The following MTUS2 variants were observed in gnomAD, a reference collection of about 807,000 sequenced individuals.
The protein encoded by MTUS2 is microtubule associated scaffold protein 2.
A neutral mutation model predicts 114.1 loss-of-function variants in MTUS2; 40 were observed. The observed-to-expected ratio is 0.35, with a 90% CI of 0.27 to 0.46. MTUS2 has a LOEUF of 0.46. Among genes scored for constraint, MTUS2 ranks in the 20% least tolerant of loss-of-function variants. MTUS2 has a pLI of 1.00. For synonymous variants in MTUS2, 688 were observed against 672.0 expected (o/e 1.02, Z -0.37); for missense variants, 1,679 against 1,705.4 (o/e 0.98, Z 0.27).
At chr13:29,214,738 C>G (rs905065508) in intron 5 of MTUS2, among the ~76,000 whole-genome samples, 2 of 152,194 alleles carry the variant, frequency 1.3e-5, no homozygotes, top group Non-Finnish European at 2.9e-5. Context: ...CACTGTTAGT[C>G]TGATGGGCCT....
intron 9 of MTUS2, among the ~76,000 whole-genome samples, chr13:29,451,875 C>T (rs1819598974): frequency 1.3e-5 from 2 of 152,136 alleles, no homozygotes; most frequent in South Asian, 4.1e-4. Context: ...AGGCATGAGC[C>T]TCCATGCCCA....
In MTUS2 at chr13:29,505,317, A is replaced by T; in HGVS notation, c.*2111A>T. The T allele has an allele frequency of 4.3e-6, 1 of 231,550 alleles. No individual in the cohort carries two copies. The highest frequency in any genetic ancestry group is 2.2e-5 in the African/African-American group (1 of 45,328). 14.3% of individuals were successfully genotyped at this position (231,550 alleles called of 1,614,324 possible). On this transcript the variant is annotated 3_prime_UTR_variant, in exon 16 of 16. Transcript: ENST00000612955. ...GTGATGCTAGAACGTGGTACAGTGT[A>T]TTAGGCTGCTGTGGTCAGAGTTGTA...
intron 5 of MTUS2, among the ~76,000 whole-genome samples, chr13:29,139,251 A>T (rs1017196607): frequency 6.6e-6 from 1 of 152,196 alleles, no homozygotes; most frequent in African/African-American, 2.4e-5. Context: ...ACTCAAGCTG[A>T]TGATTACATA....
intron 2 of MTUS2, among the ~76,000 whole-genome samples, chr13:28,893,172 T>G (rs1879035983): frequency 6.6e-6 from 1 of 152,206 alleles, no homozygotes. Context: ...GTGAGATTTT[T>G]GAGCATGCAG....
intron 6 of MTUS2, among the ~76,000 whole-genome samples, chr13:29,299,919 C>T (rs1287385287): frequency 6.6e-6 from 1 of 151,738 alleles, no homozygotes; most frequent in Non-Finnish European, 1.5e-5. Context: ...TCTAATTTTA[C>T]TGGGCAGTCC....
intron 6 of MTUS2, among the ~76,000 whole-genome samples, chr13:29,323,289 T>G (rs1368218124): frequency 6.6e-6 from 1 of 151,610 alleles, no homozygotes; most frequent in Admixed American, 6.6e-5. Flanking sequence ...TCACTCTGTC[T>G]CCCAGGCTGG....
chr13:28,974,672 C>T (rs1884008637), intron 2 of MTUS2, among the ~76,000 whole-genome samples: 1 of 152,044 alleles, frequency 6.6e-6, no homozygotes, highest in Admixed American at 6.6e-5. Context: ...ACATACAGCT[C>T]CTGTTCCTTT....
intron 2 of MTUS2, among the ~76,000 whole-genome samples, chr13:28,984,959 T>G (rs1884517302): frequency 6.6e-6 from 1 of 152,200 alleles, no homozygotes; most frequent in Non-Finnish European, 1.5e-5. Context: ...TTCAGGATAA[T>G]GGATAAGGGA....
chr13:29,107,988 T>C (rs2138851929), intron 5 of MTUS2, among the ~76,000 whole-genome samples: 1 of 152,334 alleles, frequency 6.6e-6, no homozygotes, highest in South Asian at 2.1e-4. Context: ...GGTTAATCAA[T>C]GAAAATGAGG....
At chr13:29,213,949 T>C (rs1417994220) in intron 5 of MTUS2, among the ~76,000 whole-genome samples, 1 of 152,178 alleles carries the variant, frequency 6.6e-6, no homozygotes, top group African/African-American at 2.4e-5. Flanking sequence ...TTTTTTTTTG[T>C]TCATGTATTA....
chr13:28,914,026 C>G (rs1168739916), intron 2 of MTUS2, among the ~76,000 whole-genome samples: 1 of 151,836 alleles, frequency 6.6e-6, no homozygotes, highest in Non-Finnish European at 1.5e-5. Flanking sequence ...AGCTAGCAGT[C>G]TATTTTATTA....
intron 6 of MTUS2, among the ~76,000 whole-genome samples, chr13:29,314,475 G>A (rs1024184630): frequency 1.3e-5 from 2 of 152,120 alleles, no homozygotes; most frequent in Non-Finnish European, 2.9e-5. Context: ...AACCAAAAAT[G>A]GTACAACTGT....
chr13:28,839,119 A>G (rs115589820), intron 1 of MTUS2, among the ~76,000 whole-genome samples: 20 of 152,266 alleles, frequency 1.3e-4, no homozygotes, highest in African/African-American at 4.3e-4. Flanking sequence ...TGTGGTGTCT[A>G]TGCCTCCACA....
chr13:28,891,589 A>G (rs1176446736), intron 2 of MTUS2, among the ~76,000 whole-genome samples: 9 of 152,106 alleles, frequency 5.9e-5, no homozygotes, highest in Admixed American at 5.9e-4. Flanking sequence ...ATAAATAAGA[A>G]TAACAACAGG....
chr13:29,038,048 T>C (rs1887165486), intron 4 of MTUS2, among the ~76,000 whole-genome samples: 1 of 152,190 alleles, frequency 6.6e-6, no homozygotes, highest in Admixed American at 6.5e-5. Context: ...CCAGTTTTGC[T>C]CCCTTGCTGG....
intron 8 of MTUS2, among the ~76,000 whole-genome samples, chr13:29,384,421 A>T (rs762605343): frequency 8.5e-5 from 13 of 152,212 alleles, no homozygotes; most frequent in Admixed American, 1.3e-4. Flanking sequence ...CAGAAGCAGG[A>T]CTTTACCTGG....
At chr13:29,038,821 C>CCGG (rs1164772408) in intron 4 of MTUS2, among the ~76,000 whole-genome samples, 4 of 152,216 alleles carry the variant, frequency 2.6e-5, no homozygotes, top group Admixed American at 6.5e-5. Flanking sequence ...CTCGAACTTT[C>CCGG]TGGTGGCTTT....
At chr13:29,416,693 T>C (rs180751617) in intron 8 of MTUS2, among the ~76,000 whole-genome samples, 1 of 152,312 alleles carries the variant, frequency 6.6e-6, no homozygotes, top group Admixed American at 6.5e-5. Flanking sequence ...TAACTTTATA[T>C]AAAATGAAGA....
intron 9 of MTUS2, among the ~76,000 whole-genome samples, chr13:29,472,301 C>T (rs371680920): frequency 1.3e-5 from 2 of 152,136 alleles, no homozygotes; most frequent in Admixed American, 6.5e-5. Flanking sequence ...GGATTACAGG[C>T]GTGAGCCACC....
Sources: gnomAD v4.1 joint callset for allele counts (sites outside exome capture counted in the v4.1 genomes callset) on GRCh38, gnomAD v4.1.1 for gene constraint, MANE v1.5 for transcripts, NCBI Gene and HGNC (gene_info 2026-07-23, HGNC 2026-07-21) for gene names.